PPP1R14C: variants seen among roughly 807,000 people sequenced by gnomAD.
PPP1R14C encodes the protein protein phosphatase 1 regulatory subunit 14C.
Under a neutral mutation model 20.4 loss-of-function variants are expected in PPP1R14C, and 16 were observed. The ratio of observed to expected loss-of-function variants is 0.78; its 90% CI spans 0.53 to 1.19. The LOEUF (loss-of-function observed/expected upper bound fraction) is 1.19. PPP1R14C is among the 50% of genes most tolerant of loss of function. PPP1R14C has a pLI of 0.00. For synonymous variants in PPP1R14C, 91 were observed against 91.0 expected (o/e 1.00, Z 0.00); for missense variants, 211 against 220.1 (o/e 0.96, Z 0.26).
Position 150,234,907 on chromosome 6 carries a change from T to C in PPP1R14C, c.424-13839T>C, listed in dbSNP as rs564809703. ...CAAACTGCGGACGCACACAATAGTA[T>C]CTAATATTGGTGAATCTCAGAAATA... On this transcript the variant is annotated intron_variant, in intron 3 of 3. Transcript: ENST00000361131. 8.6e-4 allele frequency among the ~76,000 whole-genome samples: 122 copies of C among 141,224 alleles called. 1 individual carries two copies. Among genetic ancestry groups the C allele is most frequent in the Middle Eastern group, 3.6e-3 (1 of 280 alleles). 92.6% of individuals were successfully genotyped at this position (141,224 alleles called of 152,430 possible). A position where few individuals can be genotyped will look rare whatever the true frequency, so the allele number is the denominator to read the frequency against.
intron 1 of PPP1R14C, among the ~76,000 whole-genome samples, chr6:150,171,713 A>T (rs1026130155): frequency 1.3e-5 from 2 of 152,218 alleles, no homozygotes; most frequent in Non-Finnish European, 2.9e-5. Context: ...GACATATTTT[A>T]TTTAAGTAGG....
At chr6:150,177,314 T>C (rs1478344003) in intron 1 of PPP1R14C, among the ~76,000 whole-genome samples, 1 of 152,302 alleles carries the variant, frequency 6.6e-6, no homozygotes, top group South Asian at 2.1e-4. Context: ...AATGAAGTCA[T>C]AGTTTCAGAG....
At chr6:150,214,078 C>T (rs1213227345) in intron 1 of PPP1R14C, among the ~76,000 whole-genome samples, 1 of 152,200 alleles carries the variant, frequency 6.6e-6, no homozygotes, top group South Asian at 2.1e-4. Context: ...GTGAAGGGGA[C>T]GTTCTTGTAA....
intron 1 of PPP1R14C, among the ~76,000 whole-genome samples, chr6:150,186,045 C>T (rs778378051): frequency 3.3e-5 from 5 of 152,272 alleles, no homozygotes; most frequent in Non-Finnish European, 7.3e-5. Flanking sequence ...GGAAGGAGGC[C>T]ACCAGAATAT....
chr6:150,143,094 C>T lies in PPP1R14C; in HGVS notation c.-99C>T, dbSNP rs1191168696. Reference sequence around the variant, plus strand: ...GCGGCGCAGAGCAGGTGCCGGGGAGCCCTTCGCATGCGGCTGCCGGGCCGG... The same window carrying T: ...GCGGCGCAGAGCAGGTGCCGGGGAGTCCTTCGCATGCGGCTGCCGGGCCGG... On this transcript the variant is annotated 5_prime_UTR_variant, in exon 1 of 4. Transcript: ENST00000361131. The surrounding 1 kb of genome is among the most constrained non-coding windows in gnomAD (Gnocchi z 5.6). 1 of 1,133,384 alleles carries T rather than the reference C, an allele frequency of 8.8e-7. No homozygotes were observed. Among genetic ancestry groups the T allele is most frequent in the Non-Finnish European group, 1.1e-6 (1 of 929,544 alleles). The allele number at this position is 1,133,384 out of a possible 1,614,324, so 70.2% of individuals were successfully genotyped here.
At chr6:150,160,494 C>T (rs563625344) in intron 1 of PPP1R14C, among the ~76,000 whole-genome samples, 16 of 150,820 alleles carry the variant, frequency 1.1e-4, no homozygotes, top group African/African-American at 3.9e-4. Context: ...AGGATGGTCT[C>T]GATCTCCTGA....
intron 3 of PPP1R14C, 110 bp downstream of exon 3, chr6:150,216,966 A>C: frequency 1.3e-6 from 1 of 746,618 alleles, no homozygotes; most frequent in Non-Finnish European, 2.3e-6. Flanking sequence ...GTGTATACCA[A>C]TTAGCAATTA....
At chr6:150,181,483 A>G (rs1380939407) in intron 1 of PPP1R14C, among the ~76,000 whole-genome samples, 1 of 152,204 alleles carries the variant, frequency 6.6e-6, no homozygotes, top group East Asian at 1.9e-4. Context: ...AAGTTCTCGA[A>G]TATTTAATTA....
intron 1 of PPP1R14C, among the ~76,000 whole-genome samples, chr6:150,213,983 C>T (rs1778058793): frequency 6.6e-6 from 1 of 152,234 alleles, no homozygotes; most frequent in Non-Finnish European, 1.5e-5. Flanking sequence ...AACGTGGAGT[C>T]AGCCTCATCC....
At chr6:150,149,139 C>T (rs1254968849) in intron 1 of PPP1R14C, among the ~76,000 whole-genome samples, 3 of 152,128 alleles carry the variant, frequency 2.0e-5, no homozygotes, top group Non-Finnish European at 2.9e-5. Flanking sequence ...AACACATTCC[C>T]TTTGGAACAG....
At chr6:150,210,793 C>G (rs558415883) in intron 1 of PPP1R14C, among the ~76,000 whole-genome samples, 1 of 152,282 alleles carries the variant, frequency 6.6e-6, no homozygotes, top group Non-Finnish European at 1.5e-5. Flanking sequence ...ATGGCGTGTT[C>G]CCTGCTGCTT....
chr6:150,156,667 C>A (rs1777309505), intron 1 of PPP1R14C, among the ~76,000 whole-genome samples: 1 of 152,104 alleles, frequency 6.6e-6, no homozygotes, highest in Non-Finnish European at 1.5e-5. Context: ...TGTGGCAGCT[C>A]TCTGACAAGT....
chr6:150,194,957 A>T, intron 1 of PPP1R14C: 1 of 985,426 alleles, frequency 1.0e-6, no homozygotes, highest in African/African-American at 1.7e-5. Context: ...GAATAAATTG[A>T]TAAAGGCAAA....
intron 1 of PPP1R14C, among the ~76,000 whole-genome samples, chr6:150,153,387 A>T (rs561008007): frequency 6.6e-6 from 1 of 152,378 alleles, no homozygotes; most frequent in East Asian, 1.9e-4. Flanking sequence ...TTGTGGCGTA[A>T]GGCACAGATG....
chr6:150,181,778 C>A (rs1777624247), intron 1 of PPP1R14C, among the ~76,000 whole-genome samples: 2 of 152,146 alleles, frequency 1.3e-5, no homozygotes, highest in African/African-American at 4.8e-5. Flanking sequence ...ACATAGCATA[C>A]TTTTTGTGTA....
chr6:150,193,720 G>A (rs1232617989), intron 1 of PPP1R14C, among the ~76,000 whole-genome samples: 1 of 152,162 alleles, frequency 6.6e-6, no homozygotes, highest in Admixed American at 6.5e-5. Context: ...TTGCAAGGAA[G>A]CCCATTCTGA....
chr6:150,159,070 C>T (rs563112380), intron 1 of PPP1R14C, among the ~76,000 whole-genome samples: 8 of 152,178 alleles, frequency 5.3e-5, no homozygotes, highest in African/African-American at 1.7e-4. Context: ...ACCCACAGGA[C>T]GGAAGGAAAG....
chr6:150,170,547 C>T (rs987309197), intron 1 of PPP1R14C, among the ~76,000 whole-genome samples: 1 of 152,124 alleles, frequency 6.6e-6, no homozygotes, highest in Non-Finnish European at 1.5e-5. Context: ...TGGTCTTGAT[C>T]TCCTGACCTC....
At chr6:150,196,343 G>A (rs1777804355) in intron 1 of PPP1R14C, among the ~76,000 whole-genome samples, 1 of 152,126 alleles carries the variant, frequency 6.6e-6, no homozygotes, top group South Asian at 2.1e-4. Flanking sequence ...AGATAATTAT[G>A]GACCGCCCAC....
Sources: allele counts gnomAD v4.1 joint callset (sites outside exome capture counted in the v4.1 genomes callset), GRCh38; gene constraint gnomAD v4.1.1; non-coding constraint Gnocchi (gnomAD v3.1); transcripts MANE v1.5; gene names NCBI Gene and HGNC (gene_info 2026-07-23, HGNC 2026-07-21).